IL1RAPL2: variants seen among roughly 807,000 people sequenced by gnomAD.
IL1RAPL2 encodes the protein X-linked interleukin-1 receptor accessory protein-like 2.
Under a neutral mutation model 44.1 loss-of-function variants are expected in IL1RAPL2, and 3 were observed. That is an observed-to-expected ratio of 0.07 (90% CI 0.03 to 0.18). The LOEUF (loss-of-function observed/expected upper bound fraction) is 0.18. Ranked by LOEUF, IL1RAPL2 falls within the 10% of genes least tolerant of loss-of-function variation. IL1RAPL2 has a pLI of 1.00. For synonymous variants in IL1RAPL2, 181 were observed against 178.8 expected, an observed-to-expected ratio of 1.01 and a Z score of -0.10; for missense variants, 391 against 496.4, an observed-to-expected ratio of 0.79 and a Z score of 2.02.
At chrX:104,701,080 T>A (rs890859481) in intron 2 of IL1RAPL2, among the ~76,000 whole-genome samples, 8 of 111,332 alleles carry the variant, frequency 7.2e-5, no homozygotes, top group African/African-American at 2.6e-4. Context: ...AACTCAAACT[T>A]CTTAGATGTT....
chrX:104,811,681 G>T (rs1382013251), intron 2 of IL1RAPL2, among the ~76,000 whole-genome samples: 2 of 111,109 alleles, frequency 1.8e-5, no homozygotes, highest in East Asian at 5.7e-4. Context: ...TTTCATCTAA[G>T]TCTGCTGACA....
intron 2 of IL1RAPL2, among the ~76,000 whole-genome samples, chrX:104,909,861 T>A (rs1336280400): frequency 1.8e-5 from 2 of 112,591 alleles, no homozygotes; most frequent in East Asian, 5.6e-4. Flanking sequence ...CAGGCCTCCT[T>A]GAGCTGTGGT....
chrX:104,616,664 C>A (rs1347869438), intron 1 of IL1RAPL2, among the ~76,000 whole-genome samples: 1 of 111,812 alleles, frequency 8.9e-6, no homozygotes, highest in Non-Finnish European at 1.9e-5. Context: ...ATCATCTAAT[C>A]TTGTGGCCCC....
intron 2 of IL1RAPL2, among the ~76,000 whole-genome samples, chrX:104,877,221 T>A: frequency 9.0e-6 from 1 of 111,515 alleles, no homozygotes; most frequent in Non-Finnish European, 1.9e-5. Flanking sequence ...GCAGCATGAT[T>A]TACAGTCCTT....
At chrX:105,079,602 G>C (rs955780811) in intron 2 of IL1RAPL2, among the ~76,000 whole-genome samples, 1 of 108,974 alleles carries the variant, frequency 9.2e-6, no homozygotes, top group Admixed American at 9.8e-5. Context: ...GTCTATCACT[G>C]ATGGGCATTT....
intron 2 of IL1RAPL2, among the ~76,000 whole-genome samples, chrX:104,839,398 C>T (rs991368805): frequency 4.5e-5 from 5 of 111,485 alleles, no homozygotes; most frequent in Admixed American, 1.9e-4. Flanking sequence ...TATTGATTTG[C>T]GTATATTGAA....
intron 2 of IL1RAPL2, among the ~76,000 whole-genome samples, chrX:104,882,471 C>T (rs181863573): frequency 1.7e-3 from 195 of 111,945 alleles, no homozygotes; most frequent in African/African-American, 5.9e-3. Context: ...AGAGGTGAAG[C>T]CGGCTGGGCT....
intron 2 of IL1RAPL2, among the ~76,000 whole-genome samples, chrX:104,964,649 C>A (rs1392281242): frequency 9.0e-6 from 1 of 110,571 alleles, no homozygotes; most frequent in Non-Finnish European, 1.9e-5. Flanking sequence ...TAAGAAATAG[C>A]TCTCTGCCCC....
intron 6 of IL1RAPL2, among the ~76,000 whole-genome samples, chrX:105,642,985 A>G (rs7051938): frequency 0.018 from 2,002 of 113,118 alleles, 37 homozygotes; most frequent in African/African-American, 0.061. Context: ...TCTGTCCTCC[A>G]TAATTTCCCT....
rs371893319 is a variant in IL1RAPL2 at position 104,673,135 on chromosome X, A to C, written c.82+14140A>C. On this transcript the variant is annotated intron_variant, in intron 2 of 10. Transcript: ENST00000372582. ...CATTTGTCAATTTTGGCTTTTGTTGACATTGCTTTTGGTGTTTTAGACATG... is the reference window on the plus strand; with the variant it reads ...CATTTGTCAATTTTGGCTTTTGTTGCCATTGCTTTTGGTGTTTTAGACATG... Among the ~76,000 whole-genome samples the C allele has an allele frequency of 1.3e-3, 149 of 111,303 alleles. 1 individual carries two copies. Among genetic ancestry groups the C allele is most frequent in the East Asian group, 2.8e-3 (10 of 3,513 alleles).
intron 2 of IL1RAPL2, among the ~76,000 whole-genome samples, chrX:105,026,852 T>A (rs751867802): frequency 1.5e-5 from 1 of 68,294 alleles, no homozygotes; most frequent in African/African-American, 5.6e-5. Flanking sequence ...AAAATTTATA[T>A]GGAACCACAA....
At chrX:105,590,214 C>T (rs1458413676) in intron 6 of IL1RAPL2, among the ~76,000 whole-genome samples, 1 of 111,632 alleles carries the variant, frequency 9.0e-6, no homozygotes, top group Admixed American at 9.5e-5. Flanking sequence ...TGATTTTGTA[C>T]ATTGATTTAG....
chrX:105,567,804 A>C (rs2036985146), intron 6 of IL1RAPL2, among the ~76,000 whole-genome samples: 1 of 110,816 alleles, frequency 9.0e-6, no homozygotes, highest in Admixed American at 9.7e-5. Flanking sequence ...GTGCCTTAGA[A>C]ATTTCACATG....
chrX:105,033,419 G>A (rs2031553137), intron 2 of IL1RAPL2, among the ~76,000 whole-genome samples: 1 of 111,194 alleles, frequency 9.0e-6, no homozygotes, highest in Non-Finnish European at 1.9e-5. Flanking sequence ...GGCAGGCCTG[G>A]TGGTGACAAA....
chrX:104,632,035 G>C (rs1362023455), intron 1 of IL1RAPL2, among the ~76,000 whole-genome samples: 6 of 111,408 alleles, frequency 5.4e-5, no homozygotes, highest in Non-Finnish European at 1.1e-4. Context: ...GTAAGGAAGG[G>C]ATCCAGTTTC....
chrX:104,788,704 C>T (rs1932811202), intron 2 of IL1RAPL2, among the ~76,000 whole-genome samples: 1 of 111,581 alleles, frequency 9.0e-6, no homozygotes, highest in Non-Finnish European at 1.9e-5. Context: ...TGTGATTTTC[C>T]CTAGGCAGGT....
At chrX:104,883,182 C>T (rs761969920) in intron 2 of IL1RAPL2, among the ~76,000 whole-genome samples, 22 of 111,670 alleles carry the variant, frequency 2.0e-4, no homozygotes, top group Admixed American at 1.7e-3. Flanking sequence ...TATCGCCAAG[C>T]GGTGAGTACC....
chrX:105,146,672 G>T (rs998727966), intron 2 of IL1RAPL2, among the ~76,000 whole-genome samples: 1 of 110,971 alleles, frequency 9.0e-6, no homozygotes, highest in Non-Finnish European at 1.9e-5. Context: ...CTGTCCCCCT[G>T]GTGCAGCAAA....
chrX:104,723,359 C>T (rs1305635536), intron 2 of IL1RAPL2, among the ~76,000 whole-genome samples: 1 of 110,806 alleles, frequency 9.0e-6, no homozygotes, highest in Non-Finnish European at 1.9e-5. Flanking sequence ...CATGTAACGT[C>T]CTGTTACTAA....
Sources: allele counts gnomAD v4.1 joint callset (sites outside exome capture counted in the v4.1 genomes callset), GRCh38; gene constraint gnomAD v4.1.1; transcripts MANE v1.5; gene names NCBI Gene and HGNC (gene_info 2026-07-23, HGNC 2026-07-21).